Variants in LRIG1 observed in about 807,000 individuals in gnomAD.
The protein encoded by LRIG1 is leucine rich repeats and immunoglobulin like domains 1.
A neutral mutation model predicts 99.2 loss-of-function variants in LRIG1; 48 were observed. The observed-to-expected ratio is 0.48, with a 90% CI of 0.38 to 0.62. The LOEUF is 0.62. Ranked by LOEUF, LRIG1 falls within the 20% of genes least tolerant of loss-of-function variation. The pLI, the probability that LRIG1 is intolerant of heterozygous loss-of-function variation, is 0.00. For synonymous variants in LRIG1, 772 were observed against 596.1 expected, an observed-to-expected ratio of 1.29 and a Z score of -4.30; for missense variants, 1,646 against 1,434.4, an observed-to-expected ratio of 1.15 and a Z score of -2.38.
rs1700966441 is a variant in LRIG1, at chr3:66,380,407, A to T, written c.3138T>A (p.Ser1046Arg). The T allele has an allele frequency of 1.2e-6, 2 of 1,614,050 alleles. No homozygotes were observed. Among genetic ancestry groups the T allele is most frequent in the Non-Finnish European group, 1.7e-6 (2 of 1,180,040 alleles). Residue 1046 changes from serine to arginine, a missense_variant, in exon 19 of 19, where the codon AGT becomes AGA. Ser to Arg is a moderately radical substitution (Grantham distance 110). Transcript: ENST00000273261. ...LQPASSLTSG[S>R]PERAEAQYLL... Reference sequence around the variant, plus strand: ...AGTACTGGGCTTCCGCGCGCTCTGGACTGCCTGAAGTTAATGAAGATGCAG... The same window carrying T: ...AGTACTGGGCTTCCGCGCGCTCTGGTCTGCCTGAAGTTAATGAAGATGCAG...
At chr3:66,479,028 C>G (rs776007180) in intron 1 of LRIG1, among the ~76,000 whole-genome samples, 2 of 152,188 alleles carry the variant, frequency 1.3e-5, no homozygotes, top group Non-Finnish European at 2.9e-5. Context: ...AGCCCATCAC[C>G]CTGCAGCCGC....
chr3:66,487,641 T>G (rs1050071696), intron 1 of LRIG1, among the ~76,000 whole-genome samples: 4 of 152,086 alleles, frequency 2.6e-5, no homozygotes, highest in Non-Finnish European at 5.9e-5. Context: ...CCTAATCAGA[T>G]AGACTCAGAG....
Position 66,382,474 on chromosome 3 carries a change from C to A in LRIG1, c.2492-76G>T. The A allele has an allele frequency of 1.7e-5, 26 of 1,554,770 alleles. No individual in the cohort carries two copies. The South Asian group carries it at 2.8e-4, about 17-fold the overall frequency. On this transcript the variant is annotated intron_variant, in intron 15 of 18. Coordinates refer to ENST00000273261, the MANE Select transcript of LRIG1 (RefSeq NM_015541.3). ...GCAGACACACGTTCACTGTCAAGCT[C>A]AGAAAGGGGATCCTCCCAGTGACGA...
At chr3:66,464,831 G>C (rs1377557961) in intron 1 of LRIG1, among the ~76,000 whole-genome samples, 7 of 152,286 alleles carry the variant, frequency 4.6e-5, no homozygotes, top group African/African-American at 1.7e-4. Context: ...CCCTTAAAGA[G>C]CAGACAAAAT....
chr3:66,444,926 TACATATATAC>T (rs774815613), intron 3 of LRIG1, among the ~76,000 whole-genome samples: 105 of 151,692 alleles, frequency 6.9e-4, no homozygotes, highest in Non-Finnish European at 1.1e-3. Context: ...TACATATATA[TACATATATAC>T]ACATATATAT....
intron 3 of LRIG1, among the ~76,000 whole-genome samples, chr3:66,440,815 G>T (rs1050189150): frequency 1.3e-5 from 2 of 152,200 alleles, no homozygotes; most frequent in African/African-American, 4.8e-5. Context: ...ATCATTTTAT[G>T]AGTGAGAAAA....
intron 11 of LRIG1, among the ~76,000 whole-genome samples, chr3:66,397,491 C>G (rs570531219): frequency 5.3e-4 from 80 of 149,936 alleles, no homozygotes; most frequent in African/African-American, 1.8e-3. Flanking sequence ...TTGGGTGTTA[C>G]ACCTGAGGAC....
chr3:66,420,935 G>A (rs779963328), intron 3 of LRIG1, among the ~76,000 whole-genome samples: 6 of 152,182 alleles, frequency 3.9e-5, no homozygotes, highest in Non-Finnish European at 5.9e-5. Flanking sequence ...CACAATCATG[G>A]CAGAAGGCAA....
intron 14 of LRIG1, among the ~76,000 whole-genome samples, chr3:66,383,648 G>A (rs940980864): frequency 7.2e-5 from 11 of 152,088 alleles, no homozygotes; most frequent in Admixed American, 5.2e-4. Context: ...ACTGTCCTGT[G>A]TCAGGCCTGT....
At chr3:66,448,891 GCCTCT>G (rs1703810794) in intron 3 of LRIG1, among the ~76,000 whole-genome samples, 1 of 152,190 alleles carries the variant, frequency 6.6e-6, no homozygotes, top group African/African-American at 2.4e-5. Context: ...CCCTGGGACA[GCCTCT>G]GGGCCACAAC....
chr3:66,463,108 GGCAGCCCTGCACGACTGAGAACTGC>G (rs761718339), intron 1 of LRIG1, among the ~76,000 whole-genome samples: 21 of 152,250 alleles, frequency 1.4e-4, no homozygotes, highest in Non-Finnish European at 2.6e-4. Flanking sequence ...ACAATGCACA[GGCAGCCCTGCACGACTGAGAACTGC>G]GCGGCCCTAA....
At chr3:66,467,090 A>G (rs1056462843) in intron 1 of LRIG1, among the ~76,000 whole-genome samples, 1 of 152,200 alleles carries the variant, frequency 6.6e-6, no homozygotes, top group African/African-American at 2.4e-5. Flanking sequence ...TGCAGAGGAC[A>G]GCTCAAGTTT....
chr3:66,404,211 A>G (rs1287434738), intron 9 of LRIG1: 3 of 1,277,218 alleles, frequency 2.3e-6, no homozygotes, highest in Admixed American at 4.6e-5. Context: ...AGAAGCATCT[A>G]CTATATAAAA....
At chr3:66,472,461 A>T (rs554712996) in intron 1 of LRIG1, among the ~76,000 whole-genome samples, 69 of 152,212 alleles carry the variant, frequency 4.5e-4, no homozygotes, top group African/African-American at 1.5e-3. Flanking sequence ...GCTGTGATGA[A>T]TCTCCTGTTC....
At chr3:66,425,192 C>T (rs141448476) in intron 3 of LRIG1, among the ~76,000 whole-genome samples, 155 of 152,308 alleles carry the variant, frequency 1.0e-3, no homozygotes, top group African/African-American at 3.5e-3. Flanking sequence ...CTAGCCCGTC[C>T]GAGAGGCTCT....
At chr3:66,484,595 G>T (rs1397362208) in intron 1 of LRIG1, among the ~76,000 whole-genome samples, 2 of 152,148 alleles carry the variant, frequency 1.3e-5, no homozygotes, top group Non-Finnish European at 2.9e-5. Flanking sequence ...TGAGGGACAT[G>T]GGACATGGTG....
At chr3:66,393,337 A>G (rs937150757) in intron 12 of LRIG1, among the ~76,000 whole-genome samples, 1 of 152,184 alleles carries the variant, frequency 6.6e-6, no homozygotes, top group Admixed American at 6.5e-5. Flanking sequence ...AGAGCAAGCA[A>G]ACAGGAAAAA....
chr3:66,448,395 C>T (rs1344279665), intron 3 of LRIG1, among the ~76,000 whole-genome samples: 2 of 152,150 alleles, frequency 1.3e-5, no homozygotes, highest in East Asian at 3.8e-4. Context: ...TTATAGGTGT[C>T]CAAGCTGAAA....
chr3:66,431,068 C>T (rs1559795884), intron 3 of LRIG1, among the ~76,000 whole-genome samples: 1 of 151,956 alleles, frequency 6.6e-6, no homozygotes, highest in Non-Finnish European at 1.5e-5. Context: ...GGCAGAGCAC[C>T]GGGCTATCAA....
Sources: allele counts gnomAD v4.1 joint callset (sites outside exome capture counted in the v4.1 genomes callset), GRCh38; gene constraint gnomAD v4.1.1; transcripts MANE v1.5; gene names NCBI Gene and HGNC (gene_info 2026-07-23, HGNC 2026-07-21).